Variants in RGS7 observed in about 807,000 individuals in gnomAD.
RGS7 encodes the protein regulator of G protein signaling 7.
Under a neutral mutation model 81.1 loss-of-function variants are expected in RGS7, and 27 were observed. The observed-to-expected ratio is 0.33, with a 90% CI of 0.25 to 0.46. The LOEUF (loss-of-function observed/expected upper bound fraction) is 0.46. RGS7 is among the 20% of genes least tolerant of loss of function. The probability of loss-of-function intolerance (pLI) is 1.00; values close to 1 mark genes in which losing one functional copy is unlikely to be tolerated. For synonymous variants in RGS7, 208 were observed against 207.7 expected, an observed-to-expected ratio of 1.00 and a Z score of -0.01; for missense variants, 396 against 607.4, an observed-to-expected ratio of 0.65 and a Z score of 3.66.
intron 3 of RGS7, among the ~76,000 whole-genome samples, chr1:240,986,953 C>T (rs1022666199): frequency 3.4e-4 from 52 of 152,310 alleles, no homozygotes; most frequent in African/African-American, 1.2e-3. Context: ...ACCCATGCCA[C>T]GGATCTGAAC....
chr1:241,019,315 C>G (rs1204459452), intron 3 of RGS7, among the ~76,000 whole-genome samples: 1 of 151,786 alleles, frequency 6.6e-6, no homozygotes, highest in Non-Finnish European at 1.5e-5. Flanking sequence ...TTGCTGCAGA[C>G]TTTTTTCTTT....
At chr1:240,997,150 G>A (rs371373772) in intron 3 of RGS7, among the ~76,000 whole-genome samples, 6 of 151,768 alleles carry the variant, frequency 4.0e-5, no homozygotes, top group Non-Finnish European at 7.4e-5. Flanking sequence ...TATTATTGCT[G>A]TTATTATTTA....
intron 4 of RGS7, among the ~76,000 whole-genome samples, chr1:240,945,306 A>C (rs945328441): frequency 3.9e-5 from 6 of 152,242 alleles, no homozygotes; most frequent in African/African-American, 1.4e-4. Flanking sequence ...AATCCTGATG[A>C]TTCTCAAGGG....
At chr1:241,090,866 G>A (rs887046122) in intron 3 of RGS7, among the ~76,000 whole-genome samples, 1 of 152,126 alleles carries the variant, frequency 6.6e-6, no homozygotes, top group South Asian at 2.1e-4. Context: ...TCTGGAACAG[G>A]AGCATGTTGG....
chr1:240,855,648 G>C (rs867001244), intron 9 of RGS7, among the ~76,000 whole-genome samples: 3 of 151,722 alleles, frequency 2.0e-5, no homozygotes, highest in Non-Finnish European at 2.9e-5. Flanking sequence ...TAACCACCCC[G>C]GTAAGTTGAA....
intron 2 of RGS7, among the ~76,000 whole-genome samples, chr1:241,195,624 TTAAA>T (rs1467346448): frequency 3.3e-5 from 5 of 151,934 alleles, no homozygotes; most frequent in African/African-American, 1.2e-4. Context: ...GTTTAAAAGA[TTAAA>T]TAAGGCAATA....
chr1:241,228,388 T>C (rs2075449207), intron 2 of RGS7, among the ~76,000 whole-genome samples: 2 of 152,074 alleles, frequency 1.3e-5, no homozygotes, highest in Non-Finnish European at 2.9e-5. Context: ...CACATAAATA[T>C]AGATAAAATC....
At chr1:241,039,604 T>C (rs1364722585) in intron 3 of RGS7, among the ~76,000 whole-genome samples, 1 of 152,114 alleles carries the variant, frequency 6.6e-6, no homozygotes, top group Non-Finnish European at 1.5e-5. Flanking sequence ...CAAGACAGAA[T>C]TTCTCATGCT....
At chr1:241,302,865 C>CT (rs1463928222) in intron 2 of RGS7, among the ~76,000 whole-genome samples, 1 of 135,542 alleles carries the variant, frequency 7.4e-6, no homozygotes, top group South Asian at 2.3e-4. Flanking sequence ...GACAGGCATT[C>CT]TTTTCTTTCT....
chr1:241,181,670 G>C (rs1357670387), intron 2 of RGS7, among the ~76,000 whole-genome samples: 3 of 152,124 alleles, frequency 2.0e-5, no homozygotes, highest in African/African-American at 7.2e-5. Context: ...TTCTTCCAAG[G>C]CTATACAGGG....
intron 4 of RGS7, among the ~76,000 whole-genome samples, chr1:240,980,119 C>T (rs182320859): frequency 6.6e-6 from 1 of 152,160 alleles, no homozygotes; most frequent in East Asian, 1.9e-4. Flanking sequence ...AAAATAATAA[C>T]AAAATATGAC....
At position 240,854,448 on chromosome 1, in the gene RGS7, C is replaced by T. The variant is rs182013422; in HGVS notation, c.609+14139G>A. The stretch of plus-strand genomic sequence containing the variant: ...AATATGATGCTCTCAAATTTCAATC[C>T]GAGTTCCTTTACTCAATAACACTCC... On this transcript the variant is annotated intron_variant, in intron 9 of 18. Coordinates refer to ENST00000440928, the MANE Select transcript of RGS7 (RefSeq NM_001364886.1). Among the ~76,000 whole-genome samples, 409 of 152,152 alleles carry T rather than the reference C, an allele frequency of 2.7e-3. 2 individuals carry two copies. The highest frequency in any genetic ancestry group is 4.2e-3 in the Non-Finnish European group (286 of 67,992).
intron 2 of RGS7, among the ~76,000 whole-genome samples, chr1:241,196,114 A>G (rs1261244853): frequency 6.6e-6 from 1 of 152,166 alleles, no homozygotes; most frequent in Non-Finnish European, 1.5e-5. Flanking sequence ...AAAAAAGTGT[A>G]TTAACTTCAA....
intron 2 of RGS7, among the ~76,000 whole-genome samples, chr1:241,130,630 A>G (rs1182815462): frequency 6.6e-6 from 1 of 152,282 alleles, no homozygotes; most frequent in East Asian, 1.9e-4. Flanking sequence ...TTCTGAGTTG[A>G]TAACTCTAAA....
chr1:240,892,435 A>G (rs1668423910), intron 6 of RGS7, among the ~76,000 whole-genome samples: 2 of 152,172 alleles, frequency 1.3e-5, no homozygotes, highest in Non-Finnish European at 2.9e-5. Flanking sequence ...CCAAGCCAAA[A>G]GCCCCGTAGG....
intron 3 of RGS7, among the ~76,000 whole-genome samples, chr1:241,078,903 C>T (rs900489187): frequency 2.0e-5 from 3 of 152,020 alleles, no homozygotes; most frequent in Admixed American, 2.0e-4. Flanking sequence ...AAATCCAGGC[C>T]CCTCTACCAC....
At chr1:240,904,343 G>C (rs1017728129) in intron 6 of RGS7, among the ~76,000 whole-genome samples, 2 of 152,264 alleles carry the variant, frequency 1.3e-5, no homozygotes, top group Admixed American at 6.5e-5. Flanking sequence ...GCTGCATTTT[G>C]TGTGTGGTCT....
intron 2 of RGS7, among the ~76,000 whole-genome samples, chr1:241,296,008 G>A (rs769520502): frequency 2.6e-5 from 4 of 152,200 alleles, no homozygotes; most frequent in East Asian, 3.8e-4. Flanking sequence ...AGCTTATTTC[G>A]AACATGTTGA....
At chr1:240,826,301 A>T (rs1207174462) in intron 10 of RGS7, among the ~76,000 whole-genome samples, 1 of 152,224 alleles carries the variant, frequency 6.6e-6, no homozygotes, top group Non-Finnish European at 1.5e-5. Context: ...GCCTTTGAAC[A>T]TGATGGTATG....
Sources: allele counts gnomAD v4.1 joint callset (sites outside exome capture counted in the v4.1 genomes callset), GRCh38; gene constraint gnomAD v4.1.1; transcripts MANE v1.5; gene names NCBI Gene and HGNC (gene_info 2026-07-23, HGNC 2026-07-21).